The following THSD7A variants were observed in gnomAD, a reference collection of about 807,000 sequenced individuals.
THSD7A encodes the protein thrombospondin type 1 domain containing 7A.
Under a neutral mutation model 231.3 loss-of-function variants are expected in THSD7A, and 96 were observed. That is an observed-to-expected ratio of 0.41 (90% CI 0.35 to 0.49). THSD7A has a LOEUF of 0.49. Among genes scored for constraint, THSD7A ranks in the 20% least tolerant of loss-of-function variants. THSD7A has a pLI of 0.05. For synonymous variants in THSD7A, 940 were observed against 743.3 expected (o/e 1.26, Z -4.30); for missense variants, 2,290 against 2,070.2 (o/e 1.11, Z -2.06).
intron 1 of THSD7A, among the ~76,000 whole-genome samples, chr7:11,787,769 C>T (rs4406306): frequency 0.21 from 31,184 of 151,860 alleles, 3,530 homozygotes; most frequent in East Asian, 0.32. Flanking sequence ...CTGGTAAGGA[C>T]GTAAAACAAG....
chr7:11,459,271 GA>G (rs1309195987), intron 11 of THSD7A, among the ~76,000 whole-genome samples: 1 of 152,118 alleles, frequency 6.6e-6, no homozygotes, highest in East Asian at 1.9e-4. Context: ...ATTAGTAAAA[GA>G]ATGGAGACTA....
rs1470651439 is a variant in THSD7A, at chr7:11,382,627, A to G, written c.4412-11T>C. 6.3e-7 allele frequency: 1 copy of G among 1,599,962 alleles called. No homozygotes were observed. The highest frequency in any genetic ancestry group is 8.6e-7 in the Non-Finnish European group (1 of 1,167,986). On this transcript the variant is annotated splice_polypyrimidine_tract_variant and intron_variant, in intron 23 of 27. Coordinates refer to ENST00000423059, the MANE Select transcript of THSD7A (RefSeq NM_015204.3). ...CATAGCACTGTCCATCTGCAGGGAA[A>G]TAATAAACATTAGCAGAAGCATTCT...
intron 4 of THSD7A, among the ~76,000 whole-genome samples, chr7:11,545,867 C>G (rs2128324216): frequency 6.6e-6 from 1 of 152,296 alleles, no homozygotes; most frequent in South Asian, 2.1e-4. Flanking sequence ...TCACCACACT[C>G]TTCAAGATGG....
At chr7:11,376,385 C>T (rs1015840650) in intron 27 of THSD7A, among the ~76,000 whole-genome samples, 185 bp downstream of exon 27, 7 of 152,058 alleles carry the variant, frequency 4.6e-5, no homozygotes, top group East Asian at 1.9e-4. Flanking sequence ...CAAGCTCTTG[C>T]TCATCTTTAG....
chr7:11,712,338 G>C lies in THSD7A; in HGVS notation c.191-75377C>G, dbSNP rs148862852. On this transcript the variant is annotated intron_variant, in intron 1 of 27. Transcript: ENST00000423059. The stretch of plus-strand genomic sequence containing the variant: ...TTATTCACCATTGGTTTGAGTTTAG[G>C]CTTGAAGGAATAAATATGTAATCAT... Among the ~76,000 whole-genome samples, 635 of 151,026 alleles carry C rather than the reference G, an allele frequency of 4.2e-3. 3 individuals carry two copies. Among genetic ancestry groups the C allele is most frequent in the African/African-American group, 0.015 (604 of 41,368 alleles).
chr7:11,383,252 AT>A (rs1408726553), intron 23 of THSD7A, among the ~76,000 whole-genome samples: 2 of 152,036 alleles, frequency 1.3e-5, no homozygotes, highest in African/African-American at 2.4e-5. Context: ...AACTTAGTCA[AT>A]GTTACAGGTG....
intron 1 of THSD7A, among the ~76,000 whole-genome samples, chr7:11,771,481 T>C (rs1251567140): frequency 6.6e-6 from 1 of 152,088 alleles, no homozygotes; most frequent in African/African-American, 2.4e-5. Flanking sequence ...CATTGAGAAA[T>C]GAAGTGGTAA....
chr7:11,802,859 G>C (rs1010412077), intron 1 of THSD7A, among the ~76,000 whole-genome samples: 2 of 152,084 alleles, frequency 1.3e-5, no homozygotes, highest in African/African-American at 2.4e-5. Context: ...GAAGTTCCGT[G>C]CTATGTTATC....
At chr7:11,823,862 G>A (rs1784946665) in intron 1 of THSD7A, among the ~76,000 whole-genome samples, 1 of 151,602 alleles carries the variant, frequency 6.6e-6, no homozygotes, top group Non-Finnish European at 1.5e-5. Context: ...AAACCACCTG[G>A]GTATTTCATT....
rs1789148887 is a variant in THSD7A at position 11,541,541 on chromosome 7, G to A, written c.1700C>T (p.Pro567Leu). The stretch of plus-strand genomic sequence containing the variant: ...GTCATAACAGGCAGGCTCTTCACAG[G>A]GAATGGCTTCCAGTAAGTGAGGGCA... ...GNCPHLLEAI[P>L]CEEPACYDWK... Residue 567 changes from proline (P) to leucine (L), a missense_variant, in exon 6 of 28, where the codon CCC (proline) becomes CTC (leucine). Pro to Leu is a moderately conservative substitution (Grantham distance 98). Coordinates refer to ENST00000423059, the MANE Select transcript of THSD7A (RefSeq NM_015204.3). 6.2e-7 allele frequency: 1 copy of A among 1,613,902 alleles called. No individual in the cohort carries two copies. The highest frequency in any genetic ancestry group is 8.5e-7 in the Non-Finnish European group (1 of 1,179,874).
At chr7:11,391,773 G>A (rs927649051) in intron 23 of THSD7A, among the ~76,000 whole-genome samples, 9 of 152,104 alleles carry the variant, frequency 5.9e-5, no homozygotes, top group Admixed American at 2.0e-4. Context: ...CTTGGTCTGC[G>A]GGTTGCAAAG....
intron 4 of THSD7A, among the ~76,000 whole-genome samples, chr7:11,565,313 T>G (rs561097994): frequency 6.6e-6 from 1 of 152,318 alleles, no homozygotes; most frequent in African/African-American, 2.4e-5. Flanking sequence ...ATCAAAAAAG[T>G]TCTGCAAACA....
At chr7:11,644,652 G>C (rs6971466) in intron 1 of THSD7A, among the ~76,000 whole-genome samples, 4,263 of 151,972 alleles carry the variant, frequency 0.028, 201 homozygotes, top group African/African-American at 0.096. Flanking sequence ...ATTAGAACAG[G>C]CTGTTTAAAT....
At chr7:11,376,683 A>C in intron 26 of THSD7A, 26 bp from the exon 27 acceptor site, 3 of 1,516,532 alleles carry the variant, frequency 2.0e-6, no homozygotes, top group Non-Finnish European at 2.7e-6. Flanking sequence ...ATTAGTTATT[A>C]ATTTACATTA....
chr7:11,512,944 T>TAG (rs1177431071), intron 6 of THSD7A, among the ~76,000 whole-genome samples: 1 of 104,264 alleles, frequency 9.6e-6, no homozygotes, highest in Non-Finnish European at 2.1e-5. Context: ...GAAACTATGA[T>TAG]ATATATATAT....
chr7:11,426,521 GA>G (rs1306670849), intron 15 of THSD7A, 144 bp downstream of exon 15: 3 of 853,486 alleles, frequency 3.5e-6, no homozygotes, highest in Non-Finnish European at 5.1e-6. Context: ...AACAGTTATA[GA>G]AAAAAATTCT....
At chr7:11,477,114 T>A (rs1254322591) in intron 7 of THSD7A, among the ~76,000 whole-genome samples, 1 of 152,190 alleles carries the variant, frequency 6.6e-6, no homozygotes, top group Non-Finnish European at 1.5e-5. Flanking sequence ...GCATTCAAGT[T>A]TGCCAACTGT....
At chr7:11,466,870 A>T (rs1785727762) in intron 9 of THSD7A, among the ~76,000 whole-genome samples, 1 of 151,944 alleles carries the variant, frequency 6.6e-6, no homozygotes, top group Admixed American at 6.6e-5. Flanking sequence ...GAGGTTTCCT[A>T]CCTTCCCCCA....
chr7:11,508,282 A>G (rs1787642245), intron 6 of THSD7A, among the ~76,000 whole-genome samples: 1 of 152,234 alleles, frequency 6.6e-6, no homozygotes, highest in African/African-American at 2.4e-5. Flanking sequence ...CATTTCTTCA[A>G]AGAAGAAATA....
Sources: allele counts gnomAD v4.1 joint callset (sites outside exome capture counted in the v4.1 genomes callset), GRCh38; gene constraint gnomAD v4.1.1; transcripts MANE v1.5; gene names NCBI Gene and HGNC (gene_info 2026-07-23, HGNC 2026-07-21).